LYPLAL1: variants seen among roughly 807,000 people sequenced by gnomAD.
LYPLAL1 encodes lysophospholipase-like protein 1.
Under a neutral mutation model 19.7 loss-of-function variants are expected in LYPLAL1, and 23 were observed. That is an observed-to-expected ratio of 1.17 (90% CI 0.84 to 1.65). LYPLAL1 has a LOEUF of 1.65. LYPLAL1 is among the 40% of genes most tolerant of loss of function. The pLI is 0.00. For synonymous variants in LYPLAL1, 119 were observed against 96.3 expected (o/e 1.24, Z -1.38); for missense variants, 355 against 279.4 (o/e 1.27, Z -1.93).
At chr1:219,194,296 G>C (rs1056063939) in intron 3 of LYPLAL1, among the ~76,000 whole-genome samples, 2 of 151,938 alleles carry the variant, frequency 1.3e-5, no homozygotes, top group Non-Finnish European at 2.9e-5. Flanking sequence ...GGACTAGGAA[G>C]AGTGTAGGGA....
At chr1:219,346,197 TCTAA>T in the LYPLAL1 span, among the ~76,000 whole-genome samples, 1 of 152,142 alleles carries the variant, frequency 6.6e-6, no homozygotes, top group Non-Finnish European at 1.5e-5. Context: ...AATCTGTATC[TCTAA>T]CTGACTAAAA....
At chr1:219,184,210 C>T (rs996798555) in intron 2 of LYPLAL1, among the ~76,000 whole-genome samples, 3 of 151,938 alleles carry the variant, frequency 2.0e-5, no homozygotes, top group African/African-American at 7.2e-5. Context: ...TTATTAATTT[C>T]TCTCAGAAGT....
the LYPLAL1 span, among the ~76,000 whole-genome samples, chr1:219,347,239 T>G: frequency 1.3e-5 from 2 of 152,224 alleles, no homozygotes. Flanking sequence ...GGGTTTTGAT[T>G]AATTCACTTT....
the LYPLAL1 span, among the ~76,000 whole-genome samples, chr1:219,430,009 C>T: frequency 6.6e-6 from 1 of 152,096 alleles, no homozygotes; most frequent in Non-Finnish European, 1.5e-5. Flanking sequence ...GTGCTCTTGT[C>T]TAGGTCAGAC....
chr1:219,233,642 G>A, the LYPLAL1 span, among the ~76,000 whole-genome samples: 1 of 152,000 alleles, frequency 6.6e-6, no homozygotes, highest in Non-Finnish European at 1.5e-5. Context: ...GGTGGTGCAA[G>A]CCTGTAGTCC....
At chr1:219,243,835 C>T in the LYPLAL1 span, among the ~76,000 whole-genome samples, 1 of 150,066 alleles carries the variant, frequency 6.7e-6, no homozygotes, top group African/African-American at 2.5e-5. Flanking sequence ...AGGAGAATCG[C>T]TTGAACCTGG....
chr1:219,365,027 T>A, the LYPLAL1 span, among the ~76,000 whole-genome samples: 421 of 152,246 alleles, frequency 2.8e-3, 1 homozygote, highest in African/African-American at 8.9e-3. Context: ...CAGATTTTTT[T>A]AATTATTTTG....
chr1:219,201,204 A>T (rs956959929), intron 3 of LYPLAL1, among the ~76,000 whole-genome samples: 1 of 152,148 alleles, frequency 6.6e-6, no homozygotes, highest in Non-Finnish European at 1.5e-5. Flanking sequence ...TTATAGTTTG[A>T]CATAAAAAAA....
chr1:219,412,602 A>G, the LYPLAL1 span, among the ~76,000 whole-genome samples: 25 of 152,320 alleles, frequency 1.6e-4, no homozygotes, highest in Non-Finnish European at 2.4e-4. Context: ...AATAAAAGGA[A>G]GGTGCCTCAA....
the LYPLAL1 span, among the ~76,000 whole-genome samples, chr1:219,442,983 G>A: frequency 6.6e-6 from 1 of 151,848 alleles, no homozygotes; most frequent in Non-Finnish European, 1.5e-5. Context: ...CTGACCAGCT[G>A]TAAAAGACAT....
At chr1:219,199,648 T>G (rs1024647353) in intron 3 of LYPLAL1, among the ~76,000 whole-genome samples, 1 of 146,658 alleles carries the variant, frequency 6.8e-6, no homozygotes, top group African/African-American at 2.6e-5. Flanking sequence ...GGAGTCTCAC[T>G]CTGTCGCCCA....
the LYPLAL1 span, among the ~76,000 whole-genome samples, chr1:219,374,379 G>A: frequency 1.3e-5 from 2 of 151,964 alleles, no homozygotes; most frequent in South Asian, 2.1e-4. Flanking sequence ...CCACAGAGAC[G>A]TCCAGTGCCT....
At chr1:219,306,213 A>G in the LYPLAL1 span, among the ~76,000 whole-genome samples, 1 of 152,236 alleles carries the variant, frequency 6.6e-6, no homozygotes, top group African/African-American at 2.4e-5. Context: ...CAACAAATGC[A>G]TTGCATTCTC....
chr1:219,241,844 C>T, the LYPLAL1 span, among the ~76,000 whole-genome samples: 1 of 152,104 alleles, frequency 6.6e-6, no homozygotes, highest in African/African-American at 2.4e-5. Context: ...AGACTGTTGT[C>T]AACTGGCTGT....
the LYPLAL1 span, among the ~76,000 whole-genome samples, chr1:219,420,766 T>A: frequency 0.046 from 6,965 of 152,260 alleles, 529 homozygotes; most frequent in African/African-American, 0.16. Context: ...TTAGAACCAC[T>A]TATTTTTTCT....
chr1:219,436,550 T>A, the LYPLAL1 span, among the ~76,000 whole-genome samples: 2 of 151,454 alleles, frequency 1.3e-5, no homozygotes, highest in Non-Finnish European at 2.9e-5. Flanking sequence ...GGGGAAGGAG[T>A]GTGTGCTCTA....
the LYPLAL1 span, among the ~76,000 whole-genome samples, chr1:219,246,094 C>T: frequency 2.0e-5 from 3 of 152,062 alleles, no homozygotes; most frequent in East Asian, 1.9e-4. Context: ...TGATTTTCTG[C>T]AAAACTTCTG....
chr1:219,242,686 C>G, the LYPLAL1 span, among the ~76,000 whole-genome samples: 4 of 150,780 alleles, frequency 2.7e-5, no homozygotes, highest in African/African-American at 4.9e-5. Context: ...ATAAGAATTA[C>G]TAAAGAAAAT....
chr1:219,427,913 A>G, the LYPLAL1 span, among the ~76,000 whole-genome samples: 1 of 152,310 alleles, frequency 6.6e-6, no homozygotes, highest in Non-Finnish European at 1.5e-5. Flanking sequence ...GCCTTTAGGC[A>G]GGTACCAACT....
Sources: allele counts gnomAD v4.1 joint callset (sites outside exome capture counted in the v4.1 genomes callset), GRCh38; gene constraint gnomAD v4.1.1; transcripts MANE v1.5; gene names NCBI Gene and HGNC (gene_info 2026-07-23, HGNC 2026-07-21).